The following NCOA2 variants were observed in gnomAD, a reference collection of about 807,000 sequenced individuals.
NCOA2 encodes the protein nuclear receptor coactivator 2.
Under a neutral mutation model 145.1 loss-of-function variants are expected in NCOA2, and 21 were observed. The ratio of observed to expected loss-of-function variants is 0.14; its 90% confidence interval spans 0.10 to 0.21. NCOA2 has a LOEUF of 0.21. NCOA2 is among the 10% of genes least tolerant of loss of function. NCOA2 has a pLI of 1.00. For synonymous variants in NCOA2, 619 were observed against 637.5 expected (o/e 0.97, Z 0.44); for missense variants, 1,472 against 1,837.6 (o/e 0.80, Z 3.64).
chr8:70,118,491 C>G (rs889865172), intron 22 of NCOA2, among the ~76,000 whole-genome samples: 10 of 152,152 alleles, frequency 6.6e-5, no homozygotes, highest in African/African-American at 2.4e-4. Context: ...CAGCCAGCAC[C>G]TCTGCCACTC....
At chr8:70,391,406 G>A (rs532914205) in intron 1 of NCOA2, among the ~76,000 whole-genome samples, 2 of 152,136 alleles carry the variant, frequency 1.3e-5, no homozygotes, top group Non-Finnish European at 2.9e-5. Flanking sequence ...AATGTCTCAT[G>A]GTCAGATACT....
At chr8:70,117,209 C>G (rs1468851688) in intron 22 of NCOA2, among the ~76,000 whole-genome samples, 2 of 152,270 alleles carry the variant, frequency 1.3e-5, no homozygotes, top group East Asian at 3.8e-4. Flanking sequence ...AGGCCTACCC[C>G]TAAACCCCCA....
intron 15 of NCOA2, among the ~76,000 whole-genome samples, chr8:70,136,831 A>G (rs1809791512): frequency 6.6e-6 from 1 of 152,252 alleles, no homozygotes; most frequent in Non-Finnish European, 1.5e-5. Flanking sequence ...TTTCTATGAC[A>G]GTAAGATTAC....
rs375323483 is a variant in NCOA2 at position 70,174,740 on chromosome 8, A to C, written c.363+16T>G. On this transcript the variant is annotated intron_variant, in intron 5 of 22. Transcript: ENST00000452400. Reference sequence around the variant, plus strand: ...ACAAGATTTTAAAATACAGCACTAAAATGAAGATGTGCTACCTCAAGCATC... The same window carrying C: ...ACAAGATTTTAAAATACAGCACTAACATGAAGATGTGCTACCTCAAGCATC... 4 of 1,600,634 alleles carry C rather than the reference A, an allele frequency of 2.5e-6. No individual in the cohort carries two copies. The highest frequency in any genetic ancestry group is 3.4e-6 in the Non-Finnish European group (4 of 1,167,888).
chr8:70,180,839 T>C (rs1352930919), intron 4 of NCOA2, among the ~76,000 whole-genome samples: 1 of 152,232 alleles, frequency 6.6e-6, no homozygotes, highest in Non-Finnish European at 1.5e-5. Flanking sequence ...CCTAAGTTGC[T>C]GAGATTATTG....
intron 21 of NCOA2, among the ~76,000 whole-genome samples, chr8:70,123,221 GT>G (rs1808022928): frequency 6.6e-6 from 1 of 152,172 alleles, no homozygotes; most frequent in Non-Finnish European, 1.5e-5. Context: ...ACGTTCCAAA[GT>G]AAAAAGAATA....
At chr8:70,388,507 T>C (rs1216953716) in intron 1 of NCOA2, among the ~76,000 whole-genome samples, 1 of 152,210 alleles carries the variant, frequency 6.6e-6, no homozygotes, top group Non-Finnish European at 1.5e-5. Context: ...TCCACTCTAA[T>C]ACAATTTTTT....
chr8:70,192,958 TCAGGAGGCTGAGG>T, intron 4 of NCOA2, among the ~76,000 whole-genome samples: 1 of 150,574 alleles, frequency 6.6e-6, no homozygotes, highest in East Asian at 2.0e-4. Flanking sequence ...TCCCAGCTAC[TCAGGAGGCTGAGG>T]CAGGAGAATT....
intron 10 of NCOA2, among the ~76,000 whole-genome samples, chr8:70,158,746 T>C (rs1403644249): frequency 6.6e-6 from 1 of 152,078 alleles, no homozygotes; most frequent in African/African-American, 2.4e-5. Flanking sequence ...AGCAAGACTC[T>C]GCCTCAAAAC....
intron 1 of NCOA2, among the ~76,000 whole-genome samples, chr8:70,386,775 C>T (rs145534999): frequency 4.1e-4 from 63 of 152,312 alleles, no homozygotes; most frequent in African/African-American, 1.4e-3. Flanking sequence ...ATTTGATGCT[C>T]AGCAGCAACT....
intron 2 of NCOA2, among the ~76,000 whole-genome samples, chr8:70,292,728 G>C (rs562559864): frequency 6.6e-6 from 1 of 152,188 alleles, no homozygotes; most frequent in Admixed American, 6.5e-5. Context: ...AGGGTAAAAG[G>C]AAGTCAGGAA....
intron 11 of NCOA2, among the ~76,000 whole-genome samples, chr8:70,152,852 A>G (rs192560334): frequency 1.3e-5 from 2 of 152,324 alleles, no homozygotes; most frequent in African/African-American, 4.8e-5. Flanking sequence ...TCAAAATAAC[A>G]AGACAGTTAA....
chr8:70,382,615 T>G (rs1041669589), intron 1 of NCOA2, among the ~76,000 whole-genome samples: 8 of 152,182 alleles, frequency 5.3e-5, no homozygotes, highest in African/African-American at 1.9e-4. Flanking sequence ...CTAGTAGATA[T>G]CTATTTTGAA....
the NCOA2 span, among the ~76,000 whole-genome samples, chr8:70,441,562 GAGAGAAAGAA>G: frequency 6.7e-6 from 1 of 149,386 alleles, no homozygotes; most frequent in Non-Finnish European, 1.5e-5. Flanking sequence ...AAAGAGGAAA[GAGAGAAAGAA>G]AGAGAAAGAA....
intron 2 of NCOA2, among the ~76,000 whole-genome samples, chr8:70,237,626 C>A (rs779291784): frequency 6.6e-6 from 1 of 151,744 alleles, no homozygotes; most frequent in African/African-American, 2.4e-5. Flanking sequence ...AAAAATTATC[C>A]GGGCATGCTG....
chr8:70,337,215 G>GTGTGTGTGTGTGTT (rs1245880463), intron 1 of NCOA2, among the ~76,000 whole-genome samples: 1 of 151,966 alleles, frequency 6.6e-6, no homozygotes, highest in African/African-American at 2.4e-5. Context: ...GTGTGTGTGT[G>GTGTGTGTGTGTGTT]TGTGTGTGTG....
Position 70,124,062 on chromosome 8 carries a change from G to A in NCOA2, c.4115C>T (p.Pro1372Leu). Residue 1372 changes from proline (P) to leucine (L), a missense_variant, in exon 21 of 23, where the codon CCA becomes CTA. Transcript: ENST00000452400. ...GGNSMFSQQS[P>L]PHFGQQANTS... Reference sequence around the variant, plus strand: ...GTTTGCTTGCTGCCCAAAGTGTGGTGGGGACTGCTGGGAAAACATGCTGGA... The same window carrying A: ...GTTTGCTTGCTGCCCAAAGTGTGGTAGGGACTGCTGGGAAAACATGCTGGA... 6.2e-7 allele frequency: 1 copy of A among 1,613,518 alleles called. No individual in the cohort carries two copies. Among genetic ancestry groups the A allele is most frequent in the Non-Finnish European group, 8.5e-7 (1 of 1,179,560 alleles).
chr8:70,168,420 G>A (rs891341893), intron 6 of NCOA2, among the ~76,000 whole-genome samples: 1 of 152,188 alleles, frequency 6.6e-6, no homozygotes, highest in Non-Finnish European at 1.5e-5. Flanking sequence ...CTGGGCTCAA[G>A]GGATTCTCAT....
intron 4 of NCOA2, among the ~76,000 whole-genome samples, chr8:70,197,656 G>A (rs1268457691): frequency 6.6e-6 from 1 of 152,076 alleles, no homozygotes; most frequent in African/African-American, 2.4e-5. Flanking sequence ...ATATAATTAT[G>A]GCATATTCCC....
Sources: allele counts gnomAD v4.1 joint callset (sites outside exome capture counted in the v4.1 genomes callset), GRCh38; gene constraint gnomAD v4.1.1; transcripts MANE v1.5; gene names NCBI Gene and HGNC (gene_info 2026-07-23, HGNC 2026-07-21).